SHROOM2: variants seen among roughly 807,000 people sequenced by gnomAD.
The protein encoded by SHROOM2 is shroom family member 2.
Under a neutral mutation model 75.9 loss-of-function variants are expected in SHROOM2, and 33 were observed. The ratio of observed to expected loss-of-function variants is 0.43; its 90% confidence interval spans 0.33 to 0.58. The LOEUF (loss-of-function observed/expected upper bound fraction) is 0.58. SHROOM2 is among the 20% of genes least tolerant of loss of function. SHROOM2 has a pLI of 0.04. For missense variants in SHROOM2, 1,434 were observed against 1,461.2 expected (o/e 0.98, Z 0.30); for synonymous variants, 655 against 663.6 (o/e 0.99, Z 0.20).
chrX:9,795,915 T>C (rs1330471529), intron 1 of SHROOM2, among the ~76,000 whole-genome samples: 1 of 110,844 alleles, frequency 9.0e-6, no homozygotes, highest in Non-Finnish European at 1.9e-5. Context: ...GCTGTAGTGG[T>C]TCCAGTTTGG....
rs903225754 is a variant in SHROOM2, at chrX:9,946,541, A to T, written c.4585-130A>T. ...GGTTTGTCTGTGTGGACCCCATCGGATCTCTGGTGGCATCAGGGTTTCCAT... is the reference window on the plus strand; with the variant it reads ...GGTTTGTCTGTGTGGACCCCATCGGTTCTCTGGTGGCATCAGGGTTTCCAT... On this transcript the variant is annotated intron_variant, in intron 9 of 9. Coordinates refer to ENST00000380913, the MANE Select transcript of SHROOM2 (RefSeq NM_001649.4). 3.6e-5 allele frequency: 21 copies of T among 584,867 alleles called. No homozygotes were observed. The African/African-American group carries it at 4.8e-4, about 13-fold the overall frequency. 48.2% of individuals were successfully genotyped at this position (584,867 alleles called of 1,213,427 possible). A position where few individuals can be genotyped will look rare whatever the true frequency, so the allele number is the denominator to read the frequency against.
intron 5 of SHROOM2, among the ~76,000 whole-genome samples, chrX:9,914,055 GCCCACCCC>G (rs2084460421): frequency 1.1e-5 from 1 of 92,385 alleles, no homozygotes; most frequent in Non-Finnish European, 2.1e-5. Flanking sequence ...CTCCACCTGC[GCCCACCCC>G]CCTGCCCCCC....
At chrX:9,835,765 G>C (rs1164015583) in intron 1 of SHROOM2, among the ~76,000 whole-genome samples, 3 of 105,739 alleles carry the variant, frequency 2.8e-5, no homozygotes, top group African/African-American at 1.0e-4. Flanking sequence ...TCAGGCTCTC[G>C]CTCTGTTGCC....
intron 9 of SHROOM2, among the ~76,000 whole-genome samples, chrX:9,945,816 GC>G (rs1264077786): frequency 1.8e-5 from 2 of 112,150 alleles, no homozygotes. Flanking sequence ...AATAATAGCT[GC>G]CTCGTTGGCT....
intron 1 of SHROOM2, among the ~76,000 whole-genome samples, chrX:9,854,130 C>T (rs1185491241): frequency 4.4e-5 from 5 of 112,366 alleles, no homozygotes; most frequent in Non-Finnish European, 9.4e-5. Flanking sequence ...TATTGTAAAG[C>T]GTACTGTTAT....
At chrX:9,944,603 A>G (rs1217340868) in intron 8 of SHROOM2, 38 bp from the exon 9 acceptor site, 1 of 1,175,604 alleles carries the variant, frequency 8.5e-7, no homozygotes, top group South Asian at 1.9e-5. Context: ...CGGCCTAACC[A>G]GTGTCTCCGT....
chrX:9,863,590 TA>T (rs1407824419), intron 1 of SHROOM2, among the ~76,000 whole-genome samples: 2 of 76,533 alleles, frequency 2.6e-5, no homozygotes, highest in East Asian at 9.1e-4. Context: ...TTTATTTTGT[TA>T]GTGTTATTTA....
intron 1 of SHROOM2, among the ~76,000 whole-genome samples, chrX:9,867,147 T>C (rs1443774929): frequency 8.9e-6 from 1 of 111,889 alleles, no homozygotes; most frequent in Admixed American, 9.5e-5. Flanking sequence ...GATTAACTGT[T>C]TTTTTCCTGC....
Position 9,945,937 on chromosome X carries a change from G to C in SHROOM2, c.4585-734G>C, listed in dbSNP as rs191881920. On this transcript the variant is annotated intron_variant, in intron 9 of 9. Coordinates refer to ENST00000380913, the MANE Select transcript of SHROOM2 (RefSeq NM_001649.4). ...TAAAACATCTTAACCTCTCTCAGAA[G>C]GGGAGCAGAAGAAGCACCCTTCCCC... Among the ~76,000 whole-genome samples, 35 of 112,971 alleles carry C rather than the reference G, an allele frequency of 3.1e-4. No individual in the cohort carries two copies. In the Middle Eastern group the frequency reaches 0.014, roughly 45 times the overall value.
intron 2 of SHROOM2, among the ~76,000 whole-genome samples, chrX:9,877,299 C>T (rs2084206164): frequency 9.0e-6 from 1 of 111,580 alleles, no homozygotes; most frequent in Non-Finnish European, 1.9e-5. Context: ...GAACTTGTAA[C>T]AATCAGCCCT....
chrX:9,792,454 G>GTGTT (rs2083671508), intron 1 of SHROOM2, among the ~76,000 whole-genome samples: 6 of 98,238 alleles, frequency 6.1e-5, no homozygotes, highest in Admixed American at 1.1e-4. Flanking sequence ...GTTTTTTTGT[G>GTGTT]TTGTTTTTTT....
chrX:9,881,279 A>G (rs1450372789), intron 2 of SHROOM2, among the ~76,000 whole-genome samples: 2 of 111,938 alleles, frequency 1.8e-5, no homozygotes, highest in East Asian at 5.6e-4. Flanking sequence ...CTGCAGTTAT[A>G]GTAAATGACA....
At chrX:9,830,580 G>GTTTT (rs2083910085) in intron 1 of SHROOM2, among the ~76,000 whole-genome samples, 1 of 44,518 alleles carries the variant, frequency 2.2e-5, no homozygotes, top group Non-Finnish European at 4.2e-5. Context: ...TGAACCCCTG[G>GTTTT]TTTCTTTTTT....
intron 1 of SHROOM2, among the ~76,000 whole-genome samples, chrX:9,817,143 C>G (rs2083827090): frequency 9.1e-6 from 1 of 109,588 alleles, no homozygotes; most frequent in Non-Finnish European, 1.9e-5. Flanking sequence ...CAGCTAATTT[C>G]TGTATTTTTT....
intron 1 of SHROOM2, among the ~76,000 whole-genome samples, chrX:9,830,273 C>T (rs1322250436): frequency 8.9e-6 from 1 of 112,010 alleles, no homozygotes; most frequent in Non-Finnish European, 1.9e-5. Context: ...CCCCTGGTAG[C>T]CTCTATTCCA....
chrX:9,935,065 GC>G (rs1446420796), intron 6 of SHROOM2, among the ~76,000 whole-genome samples: 2 of 111,471 alleles, frequency 1.8e-5, no homozygotes, highest in Non-Finnish European at 3.8e-5. Context: ...AAGCCACTGG[GC>G]CCAGCCTCTT....
chrX:9,946,474 C>T (rs771092838), intron 9 of SHROOM2, among the ~76,000 whole-genome samples, 197 bp from the exon 10 acceptor site: 151 of 112,524 alleles, frequency 1.3e-3, no homozygotes, highest in African/African-American at 4.6e-3. Flanking sequence ...CAGGCTGGCC[C>T]GCTGCAACCA....
At chrX:9,893,810 C>T (rs1055372622) in intron 3 of SHROOM2, among the ~76,000 whole-genome samples, 1 of 109,744 alleles carries the variant, frequency 9.1e-6, no homozygotes, top group East Asian at 2.9e-4. Context: ...CAAAATTAGC[C>T]GGGCACAGTG....
intron 7 of SHROOM2, among the ~76,000 whole-genome samples, chrX:9,938,636 C>A (rs1236271802): frequency 8.9e-6 from 1 of 112,595 alleles, no homozygotes; most frequent in Admixed American, 9.4e-5. Context: ...GTAGCACTTT[C>A]AGCGTATCTC....
Sources: allele counts gnomAD v4.1 joint callset (sites outside exome capture counted in the v4.1 genomes callset), GRCh38; gene constraint gnomAD v4.1.1; transcripts MANE v1.5; gene names NCBI Gene and HGNC (gene_info 2026-07-23, HGNC 2026-07-21).